ZFAT: variants seen among roughly 807,000 people sequenced by gnomAD.
ZFAT encodes zinc finger and AT-hook domain containing.
ZFAT carries 64 observed loss-of-function variants against 117.7 expected under a neutral mutation model. That is an observed-to-expected ratio of 0.54 (90% CI 0.44 to 0.67). ZFAT has a LOEUF of 0.67. Among genes scored for constraint, ZFAT ranks in the 30% least tolerant of loss-of-function variants. The probability of loss-of-function intolerance (pLI) is 0.00; values close to 1 mark genes in which losing one functional copy is unlikely to be tolerated. For missense variants in ZFAT, 1,433 were observed against 1,584.5 expected (o/e 0.90, Z 1.62); for synonymous variants, 679 against 615.0 (o/e 1.10, Z -1.54).
intron 2 of ZFAT, chr8:134,639,727 A>G (rs745501838): frequency 1.0e-4 from 46 of 456,172 alleles, no homozygotes; most frequent in Non-Finnish European, 4.4e-6. Flanking sequence ...TGAAGCAGCA[A>G]TTCATATCAG....
chr8:134,551,806 A>G (rs1823188511), intron 11 of ZFAT, among the ~76,000 whole-genome samples: 1 of 152,200 alleles, frequency 6.6e-6, no homozygotes, highest in African/African-American at 2.4e-5. Flanking sequence ...AGGTGCTCAG[A>G]TGCCTCGTGT....
chr8:134,663,774 A>C (rs957297910), intron 1 of ZFAT, among the ~76,000 whole-genome samples: 9 of 152,190 alleles, frequency 5.9e-5, no homozygotes, highest in Non-Finnish European at 1.5e-5. Flanking sequence ...TGTATTTTCT[A>C]CAATGAGTCT....
upstream of ZFAT, among the ~76,000 whole-genome samples, chr8:134,716,111 C>G (rs1814208090): frequency 6.7e-6 from 1 of 149,730 alleles, no homozygotes; most frequent in South Asian, 2.1e-4. Flanking sequence ...ACCTGGGCAG[C>G]AACAAAGCAA....
chr8:134,674,166 C>T (rs756827738), intron 1 of ZFAT, among the ~76,000 whole-genome samples: 1 of 152,114 alleles, frequency 6.6e-6, no homozygotes, highest in African/African-American at 2.4e-5. Context: ...CACAAGGGGT[C>T]GGGAGATTTT....
At chr8:134,810,264 A>C in the ZFAT span, among the ~76,000 whole-genome samples, 2 of 152,208 alleles carry the variant, frequency 1.3e-5, no homozygotes, top group Non-Finnish European at 2.9e-5. Flanking sequence ...TGCTAACTTC[A>C]GTCTCAATAT....
chr8:134,744,946 G>T, the ZFAT span, among the ~76,000 whole-genome samples: 1 of 150,902 alleles, frequency 6.6e-6, no homozygotes, highest in Non-Finnish European at 1.5e-5. Context: ...AGCCAGGATG[G>T]TCTCGATCGC....
At chr8:134,696,199 G>A (rs1833833697) in intron 1 of ZFAT, among the ~76,000 whole-genome samples, 1 of 152,098 alleles carries the variant, frequency 6.6e-6, no homozygotes, top group African/African-American at 2.4e-5. Context: ...AACCAAGGAG[G>A]TGCCACCGCC....
chr8:134,711,292 A>G (rs937677074), intron 1 of ZFAT, among the ~76,000 whole-genome samples: 2 of 152,174 alleles, frequency 1.3e-5, no homozygotes, highest in East Asian at 3.8e-4. Flanking sequence ...TCTGCTGAGA[A>G]CCTTCACGAG....
chr8:134,550,310 G>GAAAAAAAAAAAAAAAAAAAA (rs10680896), intron 11 of ZFAT, among the ~76,000 whole-genome samples: 8 of 72,534 alleles, frequency 1.1e-4, no homozygotes, highest in East Asian at 4.9e-4. Flanking sequence ...GGTCACAACG[G>GAAAAAAAAAAAAAAAAAAAA]AAAAAAAAAA....
chr8:134,502,168 C>G (rs1321108526), intron 15 of ZFAT, among the ~76,000 whole-genome samples: 1 of 152,244 alleles, frequency 6.6e-6, no homozygotes. Context: ...TGTTCAACAT[C>G]TGCCCCCCGA....
chr8:134,638,554 AAAAAACAAAAC>A lies in ZFAT; in HGVS notation c.197-853_197-843del, dbSNP rs1487393236. ...CTCTGTCTCTACTAAAAATACAAAA[AAAAAACAAAAC>A]AAAAAAAAAAAACATTAACCAGGCG... On this transcript the variant is annotated intron_variant, in intron 2 of 15. Transcript: ENST00000377838. Among the ~76,000 whole-genome samples, 30 of 25,286 alleles carry A rather than the reference AAAAAACAAAAC, an allele frequency of 1.2e-3. 2 individuals carry two copies. Among genetic ancestry groups the A allele is most frequent in the Non-Finnish European group, 1.8e-3 (26 of 14,174 alleles). The allele number at this position is 25,286 out of a possible 152,430, so 16.6% of individuals were successfully genotyped here.
the ZFAT span, among the ~76,000 whole-genome samples, chr8:134,824,908 T>C: frequency 5.3e-5 from 8 of 152,356 alleles, no homozygotes; most frequent in Non-Finnish European, 1.0e-4. Flanking sequence ...TCAAAACTGG[T>C]ACAGTGCAGT....
chr8:134,606,400 T>C (rs193275444), intron 5 of ZFAT, among the ~76,000 whole-genome samples: 178 of 152,346 alleles, frequency 1.2e-3, no homozygotes, highest in Non-Finnish European at 2.0e-3. Flanking sequence ...CAAAGGCATA[T>C]AAATGTAATG....
Position 134,583,897 on chromosome 8 carries a change from A to G in ZFAT, c.2822T>C (p.Met941Thr). 1 of 1,611,936 alleles carries G rather than the reference A, an allele frequency of 6.2e-7. No individual in the cohort carries two copies. Among genetic ancestry groups the G allele is most frequent in the Non-Finnish European group, 8.5e-7 (1 of 1,179,104 alleles). Residue 941 changes from methionine to threonine, a missense_variant, in exon 10 of 16, where the codon ATG becomes ACG. Physicochemically the swap from Met to Thr is moderately conservative, Grantham distance 81. Transcript: ENST00000377838. ...HSTEKTHLCD[M>T]CGKKFKSKGT... ...TTTTGATTTGAATTTCTTGCCACAC[A>G]TGTCACATAGGTGGGTTTTCTCAGT...
chr8:134,797,965 T>C, the ZFAT span: 4 of 150,262 alleles, frequency 2.7e-5, no homozygotes, highest in Admixed American at 1.3e-4. Flanking sequence ...TATGTTGCAC[T>C]GAGTAACACT....
chr8:134,593,074 CCTTGGG>C (rs1826647192), intron 7 of ZFAT, among the ~76,000 whole-genome samples: 1 of 152,144 alleles, frequency 6.6e-6, no homozygotes, highest in African/African-American at 2.4e-5. Context: ...CTGCCCTTGG[CCTTGGG>C]CGAGATGCCC....
At chr8:134,737,878 C>T in the ZFAT span, among the ~76,000 whole-genome samples, 132,394 of 152,126 alleles carry the variant, frequency 0.87, 57,863 homozygotes, top group Non-Finnish European at 0.89. Flanking sequence ...TTAATTTATA[C>T]CCCATCAATT....
the ZFAT span, among the ~76,000 whole-genome samples, chr8:134,761,780 C>T: frequency 6.6e-6 from 1 of 151,886 alleles, no homozygotes; most frequent in Non-Finnish European, 1.5e-5. Context: ...CAACAATAAC[C>T]ACTTATTTTT....
intron 11 of ZFAT, among the ~76,000 whole-genome samples, chr8:134,539,355 G>A (rs1322688747): frequency 6.6e-6 from 1 of 152,202 alleles, no homozygotes; most frequent in Non-Finnish European, 1.5e-5. Flanking sequence ...ATCAGGTAAT[G>A]TTTTTGCAGT....
Sources: gnomAD v4.1 joint callset for allele counts (sites outside exome capture counted in the v4.1 genomes callset) on GRCh38, gnomAD v4.1.1 for gene constraint, MANE v1.5 for transcripts, NCBI Gene and HGNC (gene_info 2026-07-23, HGNC 2026-07-21) for gene names.